The following FTO variants were observed in gnomAD, a reference collection of about 807,000 sequenced individuals.
FTO encodes the protein FTO alpha-ketoglutarate dependent dioxygenase, also known as alpha-ketoglutarate-dependent dioxygenase FTO.
Under a neutral mutation model 63.9 loss-of-function variants are expected in FTO, and 47 were observed. The observed-to-expected ratio is 0.74, with a 90% CI of 0.58 to 0.94. The LOEUF (loss-of-function observed/expected upper bound fraction) is 0.94. Among genes scored for constraint, FTO ranks in the 40% least tolerant of loss-of-function variants. The pLI is 0.00. For missense variants in FTO, 562 were observed against 618.1 expected (o/e 0.91, Z 0.96); for synonymous variants, 207 against 224.4 (o/e 0.92, Z 0.69).
intron 1 of FTO, among the ~76,000 whole-genome samples, chr16:53,804,833 T>G (rs2078320191): frequency 6.6e-6 from 1 of 152,014 alleles, no homozygotes. Context: ...CAGGCTGGTC[T>G]TGAACTCCTG....
chr16:53,736,162 T>C (rs539506228), intron 1 of FTO, among the ~76,000 whole-genome samples: 2 of 152,294 alleles, frequency 1.3e-5, no homozygotes, highest in South Asian at 4.2e-4. Flanking sequence ...GGTTTGAATA[T>C]AGGCTGAACA....
At chr16:53,978,803 C>A (rs1419605476) in intron 8 of FTO, among the ~76,000 whole-genome samples, 1 of 152,128 alleles carries the variant, frequency 6.6e-6, no homozygotes, top group African/African-American at 2.4e-5. Context: ...TTGAGACCAG[C>A]CTGGCCAACA....
intron 4 of FTO, among the ~76,000 whole-genome samples, chr16:53,871,942 G>GA (rs2080510634): frequency 6.6e-6 from 1 of 152,058 alleles, no homozygotes; most frequent in Admixed American, 6.6e-5. Context: ...GGCCAGGCTG[G>GA]TCTCGAACTC....
chr16:53,950,341 T>C (rs2082761885), intron 8 of FTO, among the ~76,000 whole-genome samples: 1 of 152,006 alleles, frequency 6.6e-6, no homozygotes, highest in African/African-American at 2.4e-5. Flanking sequence ...CTTTGTATTA[T>C]AGGGGAGAGT....
chr16:54,009,101 G>A (rs552154250), intron 8 of FTO, among the ~76,000 whole-genome samples: 33 of 152,146 alleles, frequency 2.2e-4, no homozygotes, highest in African/African-American at 7.9e-4. Flanking sequence ...TTGAGGAAAG[G>A]AACTGTCATC....
chr16:53,831,818 T>C (rs16952570), intron 3 of FTO, among the ~76,000 whole-genome samples: 10,481 of 152,152 alleles, frequency 0.069, 553 homozygotes, highest in East Asian at 0.27. Flanking sequence ...ATGATTGGGA[T>C]GTTTCAGAAG....
chr16:54,069,598 T>G (rs1406939046), intron 8 of FTO, among the ~76,000 whole-genome samples: 2 of 152,202 alleles, frequency 1.3e-5, no homozygotes, highest in Non-Finnish European at 2.9e-5. Context: ...CATTTCTATG[T>G]TTTCTTAATT....
intron 1 of FTO, among the ~76,000 whole-genome samples, chr16:53,729,364 T>A (rs1436532517): frequency 1.3e-5 from 2 of 151,638 alleles, no homozygotes; most frequent in Non-Finnish European, 2.9e-5. Context: ...CTGTCTGTAT[T>A]AAAATACAAA....
chr16:53,704,065 A>G (rs1971787142), upstream of FTO: 10 of 1,073,456 alleles, frequency 9.3e-6, no homozygotes, highest in South Asian at 1.3e-5. Context: ...AGTTTTTTCT[A>G]CTCAGAGGGA....
At chr16:53,794,276 T>C (rs528064939) in intron 1 of FTO, among the ~76,000 whole-genome samples, 2 of 152,322 alleles carry the variant, frequency 1.3e-5, no homozygotes, top group South Asian at 4.1e-4. Context: ...AGCTCACAGT[T>C]TGTACATACC....
Position 54,113,452 on chromosome 16 carries a change from G to A in FTO, c.*1537G>A, listed in dbSNP as rs1378751031. The A allele has an allele frequency of 6.6e-6, 1 of 152,150 alleles. No homozygotes were observed. Among genetic ancestry groups the A allele is most frequent in the African/African-American group, 2.4e-5 (1 of 41,426 alleles). The allele number at this position is 152,150 out of a possible 1,614,324, so 9.4% of individuals were successfully genotyped here. A position where few individuals can be genotyped will look rare whatever the true frequency, so the allele number is the denominator to read the frequency against. On this transcript the variant is annotated 3_prime_UTR_variant, in exon 9 of 9. Transcript: ENST00000471389. Reference sequence around the variant, plus strand: ...CTCATTCCCATGAATGCAGTTAATAGCCACAGAAATGTCACATTAAGCAAA... The same window carrying A: ...CTCATTCCCATGAATGCAGTTAATAACCACAGAAATGTCACATTAAGCAAA...
intron 1 of FTO, among the ~76,000 whole-genome samples, chr16:53,763,597 A>G (rs928626727): frequency 1.3e-5 from 2 of 152,306 alleles, no homozygotes; most frequent in African/African-American, 2.4e-5. Flanking sequence ...AAACTAACGC[A>G]TGATTACATT....
intron 8 of FTO, among the ~76,000 whole-genome samples, chr16:54,009,487 G>A (rs1395374056): frequency 6.6e-6 from 1 of 152,202 alleles, no homozygotes; most frequent in African/African-American, 2.4e-5. Flanking sequence ...AATGGTGGAT[G>A]CCTATAAACG....
chr16:53,887,449 TG>T (rs1471233212), intron 6 of FTO, among the ~76,000 whole-genome samples: 2 of 151,842 alleles, frequency 1.3e-5, no homozygotes, highest in Non-Finnish European at 2.9e-5. Flanking sequence ...ATGGGCTGTT[TG>T]GGGGAAGGGA....
intron 7 of FTO, among the ~76,000 whole-genome samples, chr16:53,904,861 A>G (rs572977437): frequency 1.4e-3 from 219 of 152,032 alleles, no homozygotes; most frequent in African/African-American, 4.9e-3. Context: ...ACACTGACTC[A>G]TTCTCTGCTC....
At chr16:53,913,174 C>T (rs1310539593) in intron 7 of FTO, among the ~76,000 whole-genome samples, 3 of 152,172 alleles carry the variant, frequency 2.0e-5, no homozygotes, top group African/African-American at 7.2e-5. Context: ...CAGTTTTTAT[C>T]ATCTCCCTTA....
intron 1 of FTO, among the ~76,000 whole-genome samples, chr16:53,725,376 A>G (rs1392582017): frequency 6.6e-6 from 1 of 152,196 alleles, no homozygotes; most frequent in Admixed American, 6.5e-5. Flanking sequence ...AGTCTTTTGT[A>G]TTGTAGAATG....
At chr16:53,954,678 C>T (rs555187301) in intron 8 of FTO, among the ~76,000 whole-genome samples, 1 of 152,100 alleles carries the variant, frequency 6.6e-6, no homozygotes, top group African/African-American at 2.4e-5. Context: ...AAAGAGACGA[C>T]GGTTTCAGCT....
At chr16:53,788,602 CAAAAAAAA>C (rs530568312) in intron 1 of FTO, among the ~76,000 whole-genome samples, 1 of 100,210 alleles carries the variant, frequency 1.0e-5, no homozygotes. Flanking sequence ...GACTCTGTCT[CAAAAAAAA>C]AAAAAAAAAA....
Sources: gnomAD v4.1 joint callset for allele counts (sites outside exome capture counted in the v4.1 genomes callset) on GRCh38, gnomAD v4.1.1 for gene constraint, MANE v1.5 for transcripts, NCBI Gene and HGNC (gene_info 2026-07-23, HGNC 2026-07-21) for gene names.